The following SMARCAL1 variants were observed in gnomAD, a reference collection of about 807,000 sequenced individuals.
The protein encoded by SMARCAL1 is ATP-driven annealing helicase.
Under a neutral mutation model 94.5 loss-of-function variants are expected in SMARCAL1, and 58 were observed. The observed-to-expected ratio is 0.61, with a 90% CI of 0.50 to 0.76. The LOEUF (loss-of-function observed/expected upper bound fraction) is 0.76. SMARCAL1 is among the 30% of genes least tolerant of loss of function. The pLI is 0.00. For synonymous variants in SMARCAL1, 422 were observed against 455.1 expected, an observed-to-expected ratio of 0.93 and a Z score of 0.93; for missense variants, 1,051 against 1,177.9, an observed-to-expected ratio of 0.89 and a Z score of 1.58.
At chr2:216,422,598 C>T (rs1464338873) in intron 5 of SMARCAL1, among the ~76,000 whole-genome samples, 2 of 152,226 alleles carry the variant, frequency 1.3e-5, no homozygotes, top group East Asian at 1.9e-4. Context: ...AAAGGGCCTT[C>T]CCCTTCTAGT....
intron 10 of SMARCAL1, among the ~76,000 whole-genome samples, chr2:216,442,188 A>G (rs1694210542): frequency 6.6e-6 from 1 of 152,064 alleles, no homozygotes; most frequent in African/African-American, 2.4e-5. Flanking sequence ...GGCCTGAAGC[A>G]GGAGGATCAC....
chr2:216,470,302 C>T (rs1694934056), intron 14 of SMARCAL1, among the ~76,000 whole-genome samples: 1 of 151,960 alleles, frequency 6.6e-6, no homozygotes, highest in Non-Finnish European at 1.5e-5. Context: ...TGGTGCACAC[C>T]ACCACGCCCA....
At chr2:216,417,340 G>A (rs1349065661) in intron 4 of SMARCAL1, among the ~76,000 whole-genome samples, 1 of 150,744 alleles carries the variant, frequency 6.6e-6, no homozygotes, top group Non-Finnish European at 1.5e-5. Context: ...CACTGACTGG[G>A]TGGCTTAAAC....
At chr2:216,478,864 C>A (rs1695142172) in intron 17 of SMARCAL1, among the ~76,000 whole-genome samples, 1 of 45,808 alleles carries the variant, frequency 2.2e-5, no homozygotes, top group Non-Finnish European at 3.5e-5. Flanking sequence ...TTGAGCTCAG[C>A]CCTTGTTGTA....
intron 6 of SMARCAL1, among the ~76,000 whole-genome samples, chr2:216,428,251 G>T (rs1232796396): frequency 6.6e-6 from 1 of 152,120 alleles, no homozygotes; most frequent in Non-Finnish European, 1.5e-5. Flanking sequence ...CTTCTCCCAA[G>T]AATTATGTGT....
Position 216,482,603 on chromosome 2 carries a change from C to T in SMARCAL1, c.2626-135C>T. On this transcript the variant is annotated intron_variant, in intron 17 of 17. Transcript: ENST00000357276. This position sits in a 1 kb window ranked among gnomAD's most constrained non-coding sequence, Gnocchi z 4.3. The stretch of plus-strand genomic sequence containing the variant: ...GGTTTGCTGAGATGATGCACACTTG[C>T]CATCGTGTAGCTCCCTGACACCATG... The T allele has an allele frequency of 8.1e-7, 1 of 1,238,502 alleles. No individual in the cohort carries two copies. Among genetic ancestry groups the T allele is most frequent in the Non-Finnish European group, 1.2e-6 (1 of 850,072 alleles). The allele number at this position is 1,238,502 out of a possible 1,614,324, so 76.7% of individuals were successfully genotyped here. A position where few individuals can be genotyped will look rare whatever the true frequency, so the allele number is the denominator to read the frequency against.
At chr2:216,436,633 G>C (rs192234709) in intron 9 of SMARCAL1, among the ~76,000 whole-genome samples, 21 of 152,352 alleles carry the variant, frequency 1.4e-4, no homozygotes, top group Non-Finnish European at 8.8e-5. Flanking sequence ...ACAAATTCAA[G>C]TGTGGCTTTG....
At chr2:216,413,274 C>G (rs1693506400) in intron 1 of SMARCAL1, among the ~76,000 whole-genome samples, 1 of 152,182 alleles carries the variant, frequency 6.6e-6, no homozygotes, top group South Asian at 2.1e-4. Context: ...ATCATTGTAA[C>G]CGTTACACAG....
In SMARCAL1 at chr2:216,482,640, C is replaced by T. The variant is rs1048273392; in HGVS notation, c.2626-98C>T. On this transcript the variant is annotated intron_variant, in intron 17 of 17. Transcript: ENST00000357276. This position sits in a 1 kb window ranked among gnomAD's most constrained non-coding sequence, Gnocchi z 4.3. ...TCCCTGACACCATGAAATGTGTGGT[C>T]TCTCATCTTTATATTCTCTCATCAG... The T allele has an allele frequency of 1.2e-5, 18 of 1,539,864 alleles. No homozygotes were observed. The highest frequency in any genetic ancestry group is 1.5e-5 in the Non-Finnish European group (17 of 1,114,436).
chr2:216,414,798 C>T lies in SMARCAL1; in HGVS notation c.94C>T (p.Gln32Ter), dbSNP rs1374557453. 1 of 1,614,096 alleles carries T rather than the reference C, an allele frequency of 6.2e-7. No homozygotes were observed. Among genetic ancestry groups the T allele is most frequent in the Non-Finnish European group, 8.5e-7 (1 of 1,180,046 alleles). Reference sequence around the variant, plus strand: ...CAGAGCTGAGAAGTTATTGGCAGAACAGCATCAGAGGACTAGCTCGGGCAC... The same window carrying T: ...CAGAGCTGAGAAGTTATTGGCAGAATAGCATCAGAGGACTAGCTCGGGCAC... ...ARRAEKLLAE[Q>*]HQRTSSGTSI... The change falls in exon 3 of 18, where the codon CAG becomes TAG. Residue 32 changes from glutamine (Q) to a stop codon, truncating the protein, a stop_gained. Coordinates refer to ENST00000357276, the MANE Select transcript of SMARCAL1 (RefSeq NM_014140.4). LOFTEE classifies it high-confidence loss of function.
chr2:216,463,573 G>A (rs150467211), intron 12 of SMARCAL1, among the ~76,000 whole-genome samples: 288 of 152,216 alleles, frequency 1.9e-3, no homozygotes, highest in African/African-American at 6.6e-3. Flanking sequence ...AGGCCAGAGC[G>A]ATAGTAAATG....
At chr2:216,422,670 C>T (rs1693750573) in intron 5 of SMARCAL1, among the ~76,000 whole-genome samples, 1 of 152,220 alleles carries the variant, frequency 6.6e-6, no homozygotes, top group Admixed American at 6.5e-5. Flanking sequence ...TGGACGACCT[C>T]GCTTTTTCCT....
intron 7 of SMARCAL1, among the ~76,000 whole-genome samples, chr2:216,430,799 G>A (rs1366407840): frequency 2.6e-5 from 4 of 152,240 alleles, no homozygotes; most frequent in South Asian, 2.1e-4. Flanking sequence ...CATGGATTCC[G>A]TTGCTTAGGT....
At chr2:216,467,208 C>CGTGA (rs1694846938) in intron 13 of SMARCAL1, among the ~76,000 whole-genome samples, 2 of 152,106 alleles carry the variant, frequency 1.3e-5, no homozygotes, top group Non-Finnish European at 2.9e-5. Context: ...CGGTGGCTCA[C>CGTGA]GCCTGTAATC....
At chr2:216,454,345 TAAAG>T (rs1337904453) in intron 12 of SMARCAL1, among the ~76,000 whole-genome samples, 2 of 152,094 alleles carry the variant, frequency 1.3e-5, no homozygotes, top group South Asian at 2.1e-4. Flanking sequence ...ATCTGAAAAA[TAAAG>T]AAAAATACTT....
intron 6 of SMARCAL1, among the ~76,000 whole-genome samples, chr2:216,425,399 T>C (rs1693809456): frequency 6.6e-6 from 1 of 152,218 alleles, no homozygotes; most frequent in Non-Finnish European, 1.5e-5. Context: ...GCCTGAAAAC[T>C]TGAAGACACC....
intron 12 of SMARCAL1, among the ~76,000 whole-genome samples, chr2:216,459,092 A>G (rs1022887812): frequency 2.0e-5 from 3 of 152,188 alleles, no homozygotes; most frequent in African/African-American, 7.2e-5. Context: ...AATTGCTTCA[A>G]AGAGAATAAA....
chr2:216,467,412 A>G (rs892885478), intron 13 of SMARCAL1, among the ~76,000 whole-genome samples: 2 of 146,668 alleles, frequency 1.4e-5, no homozygotes, highest in African/African-American at 5.1e-5. Flanking sequence ...TGGAGGTTGC[A>G]GTGAGCTGAG....
chr2:216,419,163 T>C (rs1182316099), intron 4 of SMARCAL1, among the ~76,000 whole-genome samples: 1 of 152,256 alleles, frequency 6.6e-6, no homozygotes. Context: ...GCTCTTGCTA[T>C]AATTGCCAAA....
Sources: gnomAD v4.1 joint callset for allele counts (sites outside exome capture counted in the v4.1 genomes callset) on GRCh38, gnomAD v4.1.1 for gene constraint, Gnocchi (gnomAD v3.1) non-coding constraint, MANE v1.5 for transcripts, NCBI Gene and HGNC (gene_info 2026-07-23, HGNC 2026-07-21) for gene names.